Variants in ILF2 observed in about 807,000 individuals in gnomAD.
ILF2 encodes interleukin enhancer binding factor 2.
ILF2 carries 9 observed loss-of-function variants against 55.3 expected under a neutral mutation model. The observed-to-expected ratio is 0.16, with a 90% CI of 0.10 to 0.28. The LOEUF is 0.28. Among genes scored for constraint, ILF2 ranks in the 10% least tolerant of loss-of-function variants. ILF2 has a pLI of 1.00. For synonymous variants in ILF2, 151 were observed against 161.8 expected (o/e 0.93, Z 0.50); for missense variants, 266 against 474.9 (o/e 0.56, Z 4.09).
intron 9 of ILF2, 65 bp downstream of exon 9, chr1:153,664,331 G>A: frequency 6.2e-6 from 8 of 1,299,912 alleles, no homozygotes; most frequent in Non-Finnish European, 8.9e-6. Flanking sequence ...GAAGTATGGG[G>A]GTATCCTGCT....
At chr1:153,667,256 T>TTGCTTGA (rs1669334661) in intron 6 of ILF2, 2 of 461,350 alleles carry the variant, frequency 4.3e-6, no homozygotes. Flanking sequence ...GGTGGGCAGA[T>TTGCTTGA]TGCTTGAGCT....
At chr1:153,669,999 G>A (rs1436301068) in intron 2 of ILF2, 121 bp from the exon 3 acceptor site, 1 of 1,105,666 alleles carries the variant, frequency 9.0e-7, no homozygotes, top group East Asian at 2.4e-5. Context: ...CTCCGGGGAG[G>A]GAAAGAATCA....
intron 7 of ILF2, 84 bp from the exon 8 acceptor site, chr1:153,665,420 G>A (rs1404180112): frequency 2.1e-6 from 2 of 939,886 alleles, no homozygotes; most frequent in Non-Finnish European, 3.5e-6. Flanking sequence ...GGGAACAGGT[G>A]GATTTTTTAA....
rs367813149 is a variant in ILF2, at chr1:153,665,645, T to C, written c.460+18A>G. 6.2e-7 allele frequency: 1 copy of C among 1,607,140 alleles called. No homozygotes were observed. On this transcript the variant is annotated intron_variant, in intron 7 of 13. Transcript: ENST00000361891. ...GTTCCTATGGCTACTAAATACAGAATCAGCAACAAATGCAAACCTTCAGAA... is the reference window on the plus strand; with the variant it reads ...GTTCCTATGGCTACTAAATACAGAACCAGCAACAAATGCAAACCTTCAGAA...
chr1:153,667,925 TAA>T (rs1263828047), intron 5 of ILF2, 73 bp downstream of exon 5: 5 of 1,070,916 alleles, frequency 4.7e-6, no homozygotes, highest in Admixed American at 4.4e-5. Flanking sequence ...AACTGAAAAT[TAA>T]AAGTCAAGAG....
At chr1:153,666,947 C>T (rs1669322785) in intron 6 of ILF2, among the ~76,000 whole-genome samples, 1 of 151,890 alleles carries the variant, frequency 6.6e-6, no homozygotes, top group Admixed American at 6.6e-5. Context: ...CATGGTGAAA[C>T]CCCGTCTCTA....
chr1:153,663,665 G>A (rs547895464), intron 10 of ILF2, among the ~76,000 whole-genome samples: 1 of 152,020 alleles, frequency 6.6e-6, no homozygotes, highest in South Asian at 2.1e-4. Context: ...TAAGGTCTAA[G>A]TCTAGCCAAA....
At position 153,662,808 on chromosome 1, in the gene ILF2, AAAGT is replaced by A. The variant is rs1334804803; in HGVS notation, c.922-17_922-14del. 6.2e-7 allele frequency: 1 copy of A among 1,608,256 alleles called. No individual in the cohort carries two copies. Among genetic ancestry groups the A allele is most frequent in the Non-Finnish European group, 8.5e-7 (1 of 1,174,776 alleles). Reference sequence around the variant, plus strand: ...AGCAGACCATGTCCTGAAGGAAAGCAAAGTGAGAGTAAGCAAGGAAAATCAAAGG... The same window carrying A: ...AGCAGACCATGTCCTGAAGGAAAGCAGAGAGTAAGCAAGGAAAATCAAAGG... On this transcript the variant is annotated splice_polypyrimidine_tract_variant and intron_variant, in intron 12 of 13. Transcript: ENST00000361891.
chr1:153,668,196 A>T, intron 4 of ILF2, 119 bp from the exon 5 acceptor site: 1 of 804,848 alleles, frequency 1.2e-6, no homozygotes, highest in Non-Finnish European at 2.0e-6. Context: ...ATAGGGCTTT[A>T]AAAACACTTC....
In ILF2 at chr1:153,662,124, G is replaced by T; in HGVS notation, c.*272C>A. 2.8e-6 allele frequency: 1 copy of T among 351,058 alleles called. No homozygotes were observed. Among genetic ancestry groups the T allele is most frequent in the South Asian group, 5.3e-5 (1 of 18,900 alleles). 21.7% of individuals were successfully genotyped at this position (351,058 alleles called of 1,614,324 possible). ...ACAACATTTCAACAGCAAAGTATTA[G>T]TTGAGAGAGGGGTTTTCAGGAGTTG... On this transcript the variant is annotated 3_prime_UTR_variant, in exon 14 of 14. Transcript: ENST00000361891.
chr1:153,662,628 TAA>T, intron 13 of ILF2, 72 bp from the exon 14 acceptor site: 1 of 1,568,860 alleles, frequency 6.4e-7, no homozygotes, highest in Non-Finnish European at 8.8e-7. Flanking sequence ...GTGGAAATAT[TAA>T]AGACATTTAA....
Position 153,661,902 on chromosome 1 carries a change from GTGATC to G in ILF2, c.*489_*493del, listed in dbSNP as rs1669177773. On this transcript the variant is annotated 3_prime_UTR_variant, in exon 14 of 14. Transcript: ENST00000361891. ...TTTAATTCAAAGACAGCTTCAAATTGTGATCTGAGTATTTATAATTAAATGACTCA... is the reference window on the plus strand; with the variant it reads ...TTTAATTCAAAGACAGCTTCAAATTGTGAGTATTTATAATTAAATGACTCA... The G allele has an allele frequency of 6.4e-6, 1 of 155,740 alleles. No individual in the cohort carries two copies. Among genetic ancestry groups the G allele is most frequent in the Admixed American group, 6.3e-5 (1 of 15,910 alleles). The allele number at this position is 155,740 out of a possible 1,614,324, so 9.6% of individuals were successfully genotyped here. A position where few individuals can be genotyped will look rare whatever the true frequency, so the allele number is the denominator to read the frequency against.
At position 153,663,032 on chromosome 1, in the gene ILF2, G is replaced by T; in HGVS notation, c.908C>A (p.Thr303Asn). 1 of 1,613,230 alleles carries T rather than the reference G, an allele frequency of 6.2e-7. No homozygotes were observed. Among genetic ancestry groups the T allele is most frequent in the Non-Finnish European group, 8.5e-7 (1 of 1,179,210 alleles). The change falls in exon 12 of 14, where the codon ACC (threonine) becomes AAC (asparagine). Residue 303 changes from threonine to asparagine, a missense_variant. Physicochemically the swap from Thr to Asn is moderately conservative, Grantham distance 65 (BLOSUM62 0). Coordinates refer to ENST00000361891, the MANE Select transcript of ILF2 (RefSeq NM_004515.4). Reference protein sequence around the residue: ...SGNFRVHTVMTLEQQDMVCYT... With the variant: ...SGNFRVHTVMNLEQQDMVCYT... ...CTGTCCCAATACCTGCTGTTCTAGG[G>T]TCATGACTGTGTGTACTCTAAAGTT...
At chr1:153,663,360 A>G in intron 10 of ILF2, 84 bp from the exon 11 acceptor site, 7 of 1,293,212 alleles carry the variant, frequency 5.4e-6, no homozygotes, top group Non-Finnish European at 6.7e-6. Flanking sequence ...ACAGGGCCTC[A>G]CTTTGTCATC....
At chr1:153,668,166 CA>C (rs1400830604) in intron 4 of ILF2, 89 bp from the exon 5 acceptor site, 1 of 978,258 alleles carries the variant, frequency 1.0e-6, no homozygotes, top group African/African-American at 1.6e-5. Flanking sequence ...CCCTTCCATA[CA>C]AGCTGACTCA....
At position 153,662,342 on chromosome 1, in the gene ILF2, G is replaced by C; in HGVS notation, c.*54C>G. On this transcript the variant is annotated 3_prime_UTR_variant, in exon 14 of 14. Transcript: ENST00000361891. ...TGTCACCATGTAAAGCCCAGTAGCAGGCAGCTTAGGCTCCAGTCTTCCCCC... is the reference window on the plus strand; with the variant it reads ...TGTCACCATGTAAAGCCCAGTAGCACGCAGCTTAGGCTCCAGTCTTCCCCC... 1 of 1,608,122 alleles carries C rather than the reference G, an allele frequency of 6.2e-7. No homozygotes were observed. Among genetic ancestry groups the C allele is most frequent in the East Asian group, 2.2e-5 (1 of 44,836 alleles).
intron 3 of ILF2, among the ~76,000 whole-genome samples, chr1:153,669,351 A>G (rs577618787): frequency 1.3e-5 from 2 of 152,376 alleles, no homozygotes; most frequent in African/African-American, 4.8e-5. Context: ...AACAAAGATT[A>G]TAATCATGTT....
In ILF2 at chr1:153,663,047, A is replaced by T; in HGVS notation, c.893T>A (p.Val298Glu). Reference protein sequence around the residue: ...TDPCESGNFRVHTVMTLEQQD... With the variant: ...TDPCESGNFREHTVMTLEQQD... ...CTGTTCTAGGGTCATGACTGTGTGTACTCTAAAGTTGCCACTCTCACAGGG... is the reference window on the plus strand; with the variant it reads ...CTGTTCTAGGGTCATGACTGTGTGTTCTCTAAAGTTGCCACTCTCACAGGG... Residue 298 changes from valine (V) to glutamate (E), a missense_variant, in exon 12 of 14, where the codon GTA becomes GAA. Physicochemically the swap from Val to Glu is moderately radical, Grantham distance 121. Coordinates refer to ENST00000361891, the MANE Select transcript of ILF2 (RefSeq NM_004515.4). 1 of 1,613,894 alleles carries T rather than the reference A, an allele frequency of 6.2e-7. No homozygotes were observed. Among genetic ancestry groups the T allele is most frequent in the Non-Finnish European group, 8.5e-7 (1 of 1,179,854 alleles).
At chr1:153,665,568 C>T in intron 7 of ILF2, 95 bp downstream of exon 7, 3 of 1,095,120 alleles carry the variant, frequency 2.7e-6, no homozygotes, top group Non-Finnish European at 4.2e-6. Context: ...TTTACTCTTC[C>T]ATCTGGTCTG....
Sources: gnomAD v4.1 joint callset for allele counts (sites outside exome capture counted in the v4.1 genomes callset) on GRCh38, gnomAD v4.1.1 for gene constraint, MANE v1.5 for transcripts, NCBI Gene and HGNC (gene_info 2026-07-23, HGNC 2026-07-21) for gene names.